DYNC1I1: variants seen among roughly 807,000 people sequenced by gnomAD.
DYNC1I1 encodes cytoplasmic dynein 1 intermediate chain 1.
Under a neutral mutation model 86.6 loss-of-function variants are expected in DYNC1I1, and 43 were observed. The ratio of observed to expected loss-of-function variants is 0.50; its 90% CI spans 0.39 to 0.64. DYNC1I1 has a LOEUF of 0.64. Ranked by LOEUF, DYNC1I1 falls within the 30% of genes least tolerant of loss-of-function variation. The probability of loss-of-function intolerance (pLI) is 0.00; values close to 1 mark genes in which losing one functional copy is unlikely to be tolerated. For missense variants in DYNC1I1, 604 were observed against 788.8 expected (o/e 0.77, Z 2.81); for synonymous variants, 262 against 283.7 (o/e 0.92, Z 0.77).
Position 96,020,275 on chromosome 7 carries a change from A to G in DYNC1I1, c.970-7900A>G, listed in dbSNP as rs536293172. On this transcript the variant is annotated intron_variant, in intron 10 of 16. Coordinates refer to ENST00000447467, the MANE Select transcript of DYNC1I1 (RefSeq NM_001135556.2). Reference sequence around the variant, plus strand: ...AATTTACTAGAGAAAGAGGTTTAATATGGACTTACAGTTCCACATGGTTGG... The same window carrying G: ...AATTTACTAGAGAAAGAGGTTTAATGTGGACTTACAGTTCCACATGGTTGG... Among the ~76,000 whole-genome samples the G allele has an allele frequency of 3.7e-4, 56 of 152,202 alleles. 1 individual carries two copies. The highest frequency in any genetic ancestry group is 1.2e-3 in the African/African-American group (50 of 41,532).
chr7:95,777,540 A>C (rs1290192865), intron 1 of DYNC1I1, among the ~76,000 whole-genome samples: 1 of 152,132 alleles, frequency 6.6e-6, no homozygotes, highest in African/African-American at 2.4e-5. Context: ...CTGGTCTTGA[A>C]ATCCTCTTTA....
intron 6 of DYNC1I1, among the ~76,000 whole-genome samples, chr7:95,937,270 T>C (rs1323917284): frequency 6.8e-6 from 1 of 146,906 alleles, no homozygotes; most frequent in East Asian, 2.0e-4. Flanking sequence ...TAGTTAACCA[T>C]AGTATATTGG....
At chr7:96,065,555 T>G (rs552917883) in intron 14 of DYNC1I1, among the ~76,000 whole-genome samples, 2 of 152,014 alleles carry the variant, frequency 1.3e-5, no homozygotes, top group Non-Finnish European at 2.9e-5. Flanking sequence ...ATTTTTGGTT[T>G]GTTTGTTTGT....
At chr7:95,896,358 C>T (rs150405133) in intron 6 of DYNC1I1, among the ~76,000 whole-genome samples, 2 of 152,084 alleles carry the variant, frequency 1.3e-5, no homozygotes, top group African/African-American at 4.8e-5. Flanking sequence ...GGTAAACTGA[C>T]GAGGATTGTT....
chr7:95,915,465 A>G (rs1338939789), intron 6 of DYNC1I1, among the ~76,000 whole-genome samples: 1 of 152,232 alleles, frequency 6.6e-6, no homozygotes, highest in African/African-American at 2.4e-5. Context: ...TTATTTCTAT[A>G]CACTTCAGGT....
At chr7:95,778,622 C>A (rs900177890) in intron 1 of DYNC1I1, among the ~76,000 whole-genome samples, 1 of 152,092 alleles carries the variant, frequency 6.6e-6, no homozygotes, top group Non-Finnish European at 1.5e-5. Flanking sequence ...ACAAGATGGG[C>A]TAATTCCAGT....
chr7:96,019,787 C>T (rs1339726923), intron 10 of DYNC1I1, among the ~76,000 whole-genome samples: 1 of 151,910 alleles, frequency 6.6e-6, no homozygotes, highest in Admixed American at 6.6e-5. Flanking sequence ...AGGACAGGAC[C>T]AAGAATTACT....
At chr7:95,954,729 C>T (rs961887125) in intron 6 of DYNC1I1, among the ~76,000 whole-genome samples, 13 of 151,762 alleles carry the variant, frequency 8.6e-5, no homozygotes, top group Non-Finnish European at 1.6e-4. Context: ...CTGGCTAACA[C>T]GGTGAAACCC....
intron 6 of DYNC1I1, among the ~76,000 whole-genome samples, chr7:95,895,318 A>C (rs1246665256): frequency 2.0e-5 from 3 of 152,222 alleles, no homozygotes; most frequent in Non-Finnish European, 2.9e-5. Context: ...CACTCAGCTC[A>C]CGAGGCACCC....
chr7:96,063,426 C>T (rs1789854363), intron 14 of DYNC1I1, among the ~76,000 whole-genome samples: 1 of 152,110 alleles, frequency 6.6e-6, no homozygotes, highest in Non-Finnish European at 1.5e-5. Context: ...GCTGCCATAA[C>T]AAACTACCAC....
Position 96,007,264 on chromosome 7 carries a change from T to G in DYNC1I1, c.969+11191T>G, listed in dbSNP as rs780921782. Among the ~76,000 whole-genome samples, 4 of 152,298 alleles carry G rather than the reference T, an allele frequency of 2.6e-5. No individual in the cohort carries two copies. The East Asian group carries it at 5.8e-4, about 22-fold the overall frequency. On this transcript the variant is annotated intron_variant, in intron 10 of 16. Transcript: ENST00000447467. ...AGACCTGTATTATTCCAAAACTAAA[T>G]GTAAAATATTTTTTCTCAAAAACCT...
chr7:95,796,677 G>T (rs1794445889), intron 1 of DYNC1I1, among the ~76,000 whole-genome samples: 2 of 151,902 alleles, frequency 1.3e-5, no homozygotes, highest in Non-Finnish European at 2.9e-5. Context: ...AACTCCCTCT[G>T]TTTAGATTAT....
chr7:96,029,961 CT>C (rs1175340804), intron 11 of DYNC1I1, among the ~76,000 whole-genome samples: 4 of 151,208 alleles, frequency 2.6e-5, no homozygotes, highest in African/African-American at 4.9e-5. Context: ...AACTTGTCCA[CT>C]TTTCGCTTTT....
chr7:95,835,643 A>C (rs1294422566), intron 5 of DYNC1I1, among the ~76,000 whole-genome samples: 1 of 152,042 alleles, frequency 6.6e-6, no homozygotes, highest in Non-Finnish European at 1.5e-5. Context: ...TTTCTTTATG[A>C]ATCTGGGTGC....
intron 9 of DYNC1I1, among the ~76,000 whole-genome samples, chr7:95,994,858 C>A (rs531571031): frequency 6.6e-6 from 1 of 152,066 alleles, no homozygotes; most frequent in Non-Finnish European, 1.5e-5. Context: ...ATTAATTTAG[C>A]AGGCTCTGAC....
At chr7:96,090,669 A>T (rs1486792759) in intron 16 of DYNC1I1, among the ~76,000 whole-genome samples, 2 of 152,178 alleles carry the variant, frequency 1.3e-5, no homozygotes, top group East Asian at 1.9e-4. Flanking sequence ...TTAAAAAACA[A>T]TCAAATACCA....
intron 14 of DYNC1I1, among the ~76,000 whole-genome samples, chr7:96,056,946 A>C (rs543582597): frequency 6.6e-6 from 1 of 152,342 alleles, no homozygotes; most frequent in South Asian, 2.1e-4. Context: ...CTGGAAACTA[A>C]CTGATAATTG....
chr7:96,054,382 A>G (rs1467365679), intron 14 of DYNC1I1, among the ~76,000 whole-genome samples: 1 of 152,170 alleles, frequency 6.6e-6, no homozygotes, highest in Non-Finnish European at 1.5e-5. Context: ...TATACAGTCT[A>G]TCGTTGATGG....
downstream of DYNC1I1, among the ~76,000 whole-genome samples, chr7:96,101,752 T>C (rs1584322298): frequency 6.6e-6 from 1 of 152,226 alleles, no homozygotes; most frequent in East Asian, 1.9e-4. Context: ...ATCAGGTACC[T>C]GGCCTCTGGG....
Sources: allele counts gnomAD v4.1 joint callset (sites outside exome capture counted in the v4.1 genomes callset), GRCh38; gene constraint gnomAD v4.1.1; transcripts MANE v1.5; gene names NCBI Gene and HGNC (gene_info 2026-07-23, HGNC 2026-07-21).